HGSNAT: variants seen among roughly 807,000 people sequenced by gnomAD.
HGSNAT encodes the protein heparan-alpha-glucosaminide N-acetyltransferase, also known as transmembrane protein 76.
Under a neutral mutation model 85.2 loss-of-function variants are expected in HGSNAT, and 59 were observed. The observed-to-expected ratio is 0.69, with a 90% CI of 0.56 to 0.86. HGSNAT has a LOEUF of 0.86. Ranked by LOEUF, HGSNAT falls within the 40% of genes least tolerant of loss-of-function variation. HGSNAT has a pLI of 0.00. For missense variants in HGSNAT, 756 were observed against 777.1 expected (o/e 0.97, Z 0.32); for synonymous variants, 321 against 304.5 (o/e 1.05, Z -0.56).
intron 11 of HGSNAT, among the ~76,000 whole-genome samples, chr8:43,183,800 A>C (rs113017579): frequency 0.031 from 4,653 of 151,974 alleles, 240 homozygotes; most frequent in African/African-American, 0.11. Context: ...CCTGCCCCAC[A>C]ACAGGCCCCG....
chr8:43,171,577 C>G (rs1346664887), intron 7 of HGSNAT, among the ~76,000 whole-genome samples: 1 of 152,164 alleles, frequency 6.6e-6, no homozygotes, highest in African/African-American at 2.4e-5. Context: ...ATGGCAGGCA[C>G]TTGGGTTACA....
chr8:43,179,842 T>TC (rs1285221147), intron 10 of HGSNAT, among the ~76,000 whole-genome samples: 19 of 41,128 alleles, frequency 4.6e-4, no homozygotes, highest in African/African-American at 1.8e-3. Flanking sequence ...GGGGGGCTGA[T>TC]CCCCCCACCT....
At position 43,193,780 on chromosome 8, in the gene HGSNAT, C is replaced by T. The variant is rs1337915028; in HGVS notation, c.1401C>T (p.Ala467=). 16 of 1,613,740 alleles carry T rather than the reference C, an allele frequency of 9.9e-6. No homozygotes were observed. The highest frequency in any genetic ancestry group is 1.7e-5 in the Admixed American group (1 of 60,014). The change falls in exon 14 of 18, where the codon GCC becomes GCT. Residue 467 remains alanine, a synonymous_variant. Transcript: ENST00000379644. ...SSAVLYHTEV[A]YDPEGILGTI... Reference sequence around the variant, plus strand: ...AGGTACTTTACCACACCGAGGTGGCCTATGACCCCGAGGGCATCCTGGGCA... The same window carrying T: ...AGGTACTTTACCACACCGAGGTGGCTTATGACCCCGAGGGCATCCTGGGCA...
chr8:43,184,955 G>A (rs555601858), intron 11 of HGSNAT, among the ~76,000 whole-genome samples: 1 of 152,222 alleles, frequency 6.6e-6, no homozygotes, highest in Admixed American at 6.5e-5. Context: ...GTAGATGTGT[G>A]GTATTATTTC....
chr8:43,169,086 C>A, intron 5 of HGSNAT, 87 bp from the exon 6 acceptor site: 1 of 673,508 alleles, frequency 1.5e-6, no homozygotes, highest in East Asian at 2.8e-5. Flanking sequence ...AGAATATGAG[C>A]TTTAATTTTA....
At chr8:43,168,065 C>G (rs1178760686) in intron 5 of HGSNAT, 2 of 175,082 alleles carry the variant, frequency 1.1e-5, no homozygotes, top group Non-Finnish European at 2.5e-5. Context: ...ACTGCAGGTG[C>G]CCGCCACCAT....
intron 11 of HGSNAT, among the ~76,000 whole-genome samples, chr8:43,183,314 G>A (rs1804196158): frequency 6.6e-6 from 1 of 151,072 alleles, no homozygotes; most frequent in Non-Finnish European, 1.5e-5. Flanking sequence ...CTATAGGCAT[G>A]CACTACCATG....
At chr8:43,146,331 C>T (rs1001790305) in intron 1 of HGSNAT, among the ~76,000 whole-genome samples, 2 of 152,176 alleles carry the variant, frequency 1.3e-5, no homozygotes, top group African/African-American at 4.8e-5. Context: ...GACACGTGCA[C>T]CCCGCCCCTG....
rs2130746165 is a variant in HGSNAT, at chr8:43,170,671, C to T, written c.720C>T (p.Leu240=). The part of the protein sequence containing the change: ...TWRLSALPPR[L]RSVDTFRGIA... Reference sequence around the variant, plus strand: ...GTCTATCTGCCCTGCCGCCCCGCCTCCGCAGCGTGGACACCTTCAGGGGGT... The same window carrying T: ...GTCTATCTGCCCTGCCGCCCCGCCTTCGCAGCGTGGACACCTTCAGGGGGT... The change falls in exon 7 of 18, where the codon CTC becomes CTT. Residue 240 remains leucine, a synonymous_variant. Coordinates refer to ENST00000379644, the MANE Select transcript of HGSNAT (RefSeq NM_152419.3). The T allele has an allele frequency of 1.2e-6, 2 of 1,604,944 alleles. No homozygotes were observed. The highest frequency in any genetic ancestry group is 1.7e-6 in the Non-Finnish European group (2 of 1,175,966).
chr8:43,153,485 G>A (rs1159726184), intron 2 of HGSNAT, among the ~76,000 whole-genome samples: 1 of 152,062 alleles, frequency 6.6e-6, no homozygotes, highest in East Asian at 1.9e-4. Flanking sequence ...GAGCCACCGT[G>A]CCCAGCCAAT....
Position 43,170,658 on chromosome 8 carries a change from TGCCGCCCC to T in HGSNAT, c.711_718del (p.Arg239GlnfsTer38). The stretch of plus-strand genomic sequence containing the variant: ...CCAGCAACGTGGCGTCTATCTGCCC[TGCCGCCCC>T]GCCTCCGCAGCGTGGACACCTTCAG... On this transcript the variant is annotated frameshift_variant, in exon 7 of 18. Coordinates refer to ENST00000379644, the MANE Select transcript of HGSNAT (RefSeq NM_152419.3). LOFTEE classifies it high-confidence loss of function. 1 of 1,608,202 alleles carries T rather than the reference TGCCGCCCC, an allele frequency of 6.2e-7. No individual in the cohort carries two copies. Among genetic ancestry groups the T allele is most frequent in the African/African-American group, 1.3e-5 (1 of 75,012 alleles).
chr8:43,174,409 T>C (rs897160260), intron 9 of HGSNAT, among the ~76,000 whole-genome samples: 8 of 152,186 alleles, frequency 5.3e-5, no homozygotes, highest in Non-Finnish European at 1.0e-4. Flanking sequence ...CAGTGAATGC[T>C]AATAAATATG....
intron 17 of HGSNAT, among the ~76,000 whole-genome samples, chr8:43,198,539 G>T (rs983156398): frequency 6.6e-6 from 1 of 151,960 alleles, no homozygotes; most frequent in African/African-American, 2.4e-5. Flanking sequence ...CGCCCGCCTC[G>T]GCCTCCCAAA....
At chr8:43,165,816 A>C (rs1338752616) in intron 5 of HGSNAT, among the ~76,000 whole-genome samples, 2 of 152,170 alleles carry the variant, frequency 1.3e-5, no homozygotes, top group East Asian at 3.9e-4. Context: ...CATGCCTGTA[A>C]TCCCAGCTAC....
chr8:43,176,292 T>C (rs1803808794), intron 9 of HGSNAT, among the ~76,000 whole-genome samples: 1 of 152,202 alleles, frequency 6.6e-6, no homozygotes, highest in Non-Finnish European at 1.5e-5. Flanking sequence ...AGCATCATTT[T>C]TTTGAAGAGA....
At chr8:43,165,044 ATTT>A (rs1175997527) in intron 5 of HGSNAT, among the ~76,000 whole-genome samples, 885 of 72,054 alleles carry the variant, frequency 0.012, 3 homozygotes, top group African/African-American at 0.023. Flanking sequence ...CACCATGATA[ATTT>A]TTTTTTTTTT....
At chr8:43,196,710 C>T (rs1333099239) in intron 14 of HGSNAT, 7 of 579,874 alleles carry the variant, frequency 1.2e-5, no homozygotes, top group East Asian at 6.6e-5. Flanking sequence ...CTCTGTGGCT[C>T]GTCCTCTCTG....
intron 13 of HGSNAT, among the ~76,000 whole-genome samples, chr8:43,192,998 CCA>C (rs1343663589): frequency 6.6e-6 from 1 of 152,176 alleles, no homozygotes; most frequent in Non-Finnish European, 1.5e-5. Flanking sequence ...AGCAAAGGCC[CCA>C]GCCAATCTTG....
rs1006315684 is a variant in HGSNAT, at chr8:43,197,747, G to A, written c.1613+5G>A. On this transcript the variant is annotated splice_donor_5th_base_variant and intron_variant, in intron 16 of 17. Coordinates refer to ENST00000379644, the MANE Select transcript of HGSNAT (RefSeq NM_152419.3). Reference sequence around the variant, plus strand: ...TCCAGTAAACAAAAATCTCTGGTATGTATGGAAAAAGCATGATTTTATGGA... The same window carrying A: ...TCCAGTAAACAAAAATCTCTGGTATATATGGAAAAAGCATGATTTTATGGA... 6.2e-6 allele frequency: 10 copies of A among 1,610,954 alleles called. No individual in the cohort carries two copies. The highest frequency in any genetic ancestry group is 2.7e-5 in the African/African-American group (2 of 74,850).
Sources: gnomAD v4.1 joint callset for allele counts (sites outside exome capture counted in the v4.1 genomes callset) on GRCh38, gnomAD v4.1.1 for gene constraint, MANE v1.5 for transcripts, NCBI Gene and HGNC (gene_info 2026-07-23, HGNC 2026-07-21) for gene names.